The following HSPG2 variants were observed in gnomAD, a reference collection of about 807,000 sequenced individuals.
HSPG2 encodes basement membrane-specific heparan sulfate proteoglycan core protein.
In HSPG2, 278 loss-of-function variants were observed where a neutral mutation model predicts 526.6. The observed-to-expected ratio is 0.53, with a 90% confidence interval of 0.48 to 0.58. HSPG2 has a LOEUF of 0.58. Among genes scored for constraint, HSPG2 ranks in the 20% least tolerant of loss-of-function variants. The pLI, the probability that HSPG2 is intolerant of heterozygous loss-of-function variation, is 0.00. For missense variants in HSPG2, 5,354 were observed against 6,099.5 expected, an observed-to-expected ratio of 0.88 and a Z score of 4.07; for synonymous variants, 2,465 against 2,555.4, an observed-to-expected ratio of 0.96 and a Z score of 1.07.
intron 64 of HSPG2, among the ~76,000 whole-genome samples, chr1:21,844,813 T>C (rs996789661): frequency 6.6e-6 from 1 of 152,248 alleles, no homozygotes; most frequent in African/African-American, 2.4e-5. Context: ...GTAAATATGA[T>C]AGGGTCCAAC....
At position 21,848,938 on chromosome 1, in the gene HSPG2, C is replaced by G; in HGVS notation, c.7540G>C (p.Ala2514Pro). The change falls in exon 58 of 97, where the codon GCC becomes CCC. Residue 2514 changes from alanine (A) to proline (P), a missense_variant. By Grantham distance (27) the Ala-to-Pro change is conservative. Transcript: ENST00000374695. This position sits in a 1 kb window ranked among gnomAD's most constrained non-coding sequence, Gnocchi z 4.9. Reference protein sequence around the residue: ...RVVGSSGTQEASVLVTIQQRL... With the variant: ...RVVGSSGTQEPSVLVTIQQRL... ...TGCTGGATGGTGACAAGGACTGAGG[C>G]TTCCTGGGTACCTGAGCTGCCGACC... The G allele has an allele frequency of 6.2e-7, 1 of 1,613,998 alleles. No individual in the cohort carries two copies.
rs372664981 is a variant in HSPG2, at chr1:21,876,665, A to G, written c.2686-13T>C. The G allele has an allele frequency of 1.2e-6, 2 of 1,614,172 alleles. No individual in the cohort carries two copies. Among genetic ancestry groups the G allele is most frequent in the African/African-American group, 1.3e-5 (1 of 75,060 alleles). On this transcript the variant is annotated splice_polypyrimidine_tract_variant and intron_variant, in intron 21 of 96. Transcript: ENST00000374695. ...CCACCACATTGTTCTGCAGGCACAG[A>G]GTTGGAGCTGAAGGACAGCCCATGG...
chr1:21,928,498 T>C (rs1221231704), intron 1 of HSPG2, among the ~76,000 whole-genome samples: 1 of 152,254 alleles, frequency 6.6e-6, no homozygotes, highest in Non-Finnish European at 1.5e-5. Flanking sequence ...TTGAGTGCAA[T>C]GGCATGATCT....
At chr1:21,926,420 T>C (rs561267341) in intron 1 of HSPG2, among the ~76,000 whole-genome samples, 1 of 151,994 alleles carries the variant, frequency 6.6e-6, no homozygotes, top group South Asian at 2.1e-4. Flanking sequence ...CTAAGGGTCA[T>C]AGCAAGGCAA....
Position 21,828,400 on chromosome 1 carries a change from G to T in HSPG2, c.12264C>A (p.Asp4088Glu). 6.2e-7 allele frequency: 1 copy of T among 1,613,686 alleles called. No homozygotes were observed. Among genetic ancestry groups the T allele is most frequent in the Non-Finnish European group, 8.5e-7 (1 of 1,180,024 alleles). ...GGCTGCCTAGGAAACTGTAGGTGAG[G>T]TCCAGCCGTTTGCCATTCACTGACA... Reference protein sequence around the residue: ...GEVSVNGKRLDLTYSFLGSQG... With the variant: ...GEVSVNGKRLELTYSFLGSQG... Residue 4088 changes from aspartate to glutamate, a missense_variant, in exon 89 of 97, where the codon GAC (aspartate) becomes GAA (glutamate). By Grantham distance (45) the Asp-to-Glu change is conservative. Coordinates refer to ENST00000374695, the MANE Select transcript of HSPG2 (RefSeq NM_005529.7). This position sits in a 1 kb window ranked among gnomAD's most constrained non-coding sequence, Gnocchi z 6.0.
chr1:21,880,606 A>G (rs1320736476), intron 15 of HSPG2, 47 bp from the exon 16 acceptor site: 1 of 1,603,938 alleles, frequency 6.2e-7, no homozygotes, highest in East Asian at 2.2e-5. Context: ...GTGCCTACCC[A>G]GCCTAAATCC....
At chr1:21,874,770 C>G in intron 26 of HSPG2, 41 bp from the exon 27 acceptor site, 2 of 1,549,166 alleles carry the variant, frequency 1.3e-6, no homozygotes, top group South Asian at 2.3e-5. Context: ...CTTCCGAACA[C>G]GGCCCATTCA....
In HSPG2 at chr1:21,924,398, C is replaced by T. The variant is rs573513719; in HGVS notation, c.63+12757G>A. Among the ~76,000 whole-genome samples the T allele has an allele frequency of 1.4e-3, 210 of 152,192 alleles. 1 individual carries two copies. The highest frequency in any genetic ancestry group is 1.6e-3 in the Non-Finnish European group (108 of 68,006). ...CAGTGTCAGGGGAAGGAATCAATAGCGTCAATGAAGGAAGACATGGGATTG... is the reference window on the plus strand; with the variant it reads ...CAGTGTCAGGGGAAGGAATCAATAGTGTCAATGAAGGAAGACATGGGATTG... On this transcript the variant is annotated intron_variant, in intron 1 of 96. Coordinates refer to ENST00000374695, the MANE Select transcript of HSPG2 (RefSeq NM_005529.7).
chr1:21,831,208 G>C lies in HSPG2; in HGVS notation c.11562+7C>G. 1 of 1,612,130 alleles carries C rather than the reference G, an allele frequency of 6.2e-7. No homozygotes were observed. The highest frequency in any genetic ancestry group is 1.1e-5 in the South Asian group (1 of 91,058). On this transcript the variant is annotated splice_region_variant and intron_variant, in intron 84 of 96. Coordinates refer to ENST00000374695, the MANE Select transcript of HSPG2 (RefSeq NM_005529.7). ...GCAGCCAGGTGGTGTGTGGGGTGTG[G>C]GGTCACCTGGCAGGGCCGGTCCCGA...
At chr1:21,905,984 C>G (rs2501254) in intron 1 of HSPG2, among the ~76,000 whole-genome samples, 1 of 152,042 alleles carries the variant, frequency 6.6e-6, no homozygotes, top group Non-Finnish European at 1.5e-5. Context: ...TACTCCAGTC[C>G]GGATAAAAGA....
intron 1 of HSPG2, among the ~76,000 whole-genome samples, chr1:21,905,447 T>G (rs1643332071): frequency 6.6e-6 from 1 of 152,134 alleles, no homozygotes; most frequent in Admixed American, 6.5e-5. Context: ...TGCTCCAATG[T>G]CACCTTTCAG....
rs748724623 is a variant in HSPG2 at position 21,852,903 on chromosome 1, C to CG, written c.6591+15dup. The CG allele has an allele frequency of 1.9e-6, 3 of 1,611,980 alleles. No homozygotes were observed. Among genetic ancestry groups the CG allele is most frequent in the Non-Finnish European group, 2.5e-6 (3 of 1,179,664 alleles). The stretch of plus-strand genomic sequence containing the variant: ...TCCAGCCCCTCCAGCAAGGTGGTCC[C>CG]GGGGGGCTGCCATACCTGGTGCCGG... On this transcript the variant is annotated intron_variant, in intron 51 of 96. Coordinates refer to ENST00000374695, the MANE Select transcript of HSPG2 (RefSeq NM_005529.7).
At chr1:21,857,513 C>T (rs748115866) in intron 42 of HSPG2, 128 bp from the exon 43 acceptor site, 2 of 825,096 alleles carry the variant, frequency 2.4e-6, no homozygotes, top group African/African-American at 1.7e-5. Context: ...CATTCTACCC[C>T]CTGGCACCTC....
Position 21,904,090 on chromosome 1 carries a change from C to T in HSPG2, c.64-7780G>A, listed in dbSNP as rs1557814673. ...CGGGGGACAAAATGTGAAATGGACACAGAACTCCATGTTCCTGGGGGACAC... is the reference window on the plus strand; with the variant it reads ...CGGGGGACAAAATGTGAAATGGACATAGAACTCCATGTTCCTGGGGGACAC... On this transcript the variant is annotated intron_variant, in intron 1 of 96. Coordinates refer to ENST00000374695, the MANE Select transcript of HSPG2 (RefSeq NM_005529.7). This position sits in a 1 kb window ranked among gnomAD's most constrained non-coding sequence, Gnocchi z 4.4. 6.6e-6 allele frequency among the ~76,000 whole-genome samples: 1 copy of T among 152,170 alleles called. No individual in the cohort carries two copies. Among genetic ancestry groups the T allele is most frequent in the African/African-American group, 2.4e-5 (1 of 41,416 alleles).
chr1:21,832,978 G>A (rs1057287454), intron 80 of HSPG2: 12 of 562,348 alleles, frequency 2.1e-5, no homozygotes, highest in Non-Finnish European at 3.5e-5. Context: ...GGAGGAAGGA[G>A]CAGAGATGGG....
At chr1:21,932,919 A>G (rs1325518606) in intron 1 of HSPG2, among the ~76,000 whole-genome samples, 1 of 152,120 alleles carries the variant, frequency 6.6e-6, no homozygotes, top group African/African-American at 2.4e-5. Context: ...AAATTTTTAT[A>G]TTCATTAGAA....
Position 21,880,794 on chromosome 1 carries a change from G to T in HSPG2, c.1860C>A (p.Tyr620Ter), listed in dbSNP as rs764415919. 1 of 1,597,878 alleles carries T rather than the reference G, an allele frequency of 6.3e-7. No individual in the cohort carries two copies. The highest frequency in any genetic ancestry group is 1.7e-5 in the Admixed American group (1 of 57,884). The change falls in exon 15 of 97, where the codon TAC becomes TAA. Residue 620 changes from tyrosine (Y) to a stop codon, truncating the protein, a stop_gained. Transcript: ENST00000374695. LOFTEE classifies it high-confidence loss of function. ...GCTCCAGCATGCCACGGGCCAACTC[G>T]TAGCGCACGTTGTAACGCAGGGAGC... ...YGGSLRYNVR[Y>*]ELARGMLEPV... is the part of the protein sequence containing the mutation.
chr1:21,854,803 C>G, intron 48 of HSPG2, 38 bp from the exon 49 acceptor site: 2 of 1,612,756 alleles, frequency 1.2e-6, no homozygotes, highest in Non-Finnish European at 1.7e-6. Context: ...CCCAGGGGAG[C>G]CCTGGCTTGC....
chr1:21,857,531 C>A (rs578067923), intron 42 of HSPG2, 146 bp from the exon 43 acceptor site: 4 of 761,842 alleles, frequency 5.3e-6, no homozygotes, highest in African/African-American at 3.4e-5. Flanking sequence ...CTCCCTCCCC[C>A]ATTCTGGCTG....
Sources: gnomAD v4.1 joint callset for allele counts (sites outside exome capture counted in the v4.1 genomes callset) on GRCh38, gnomAD v4.1.1 for gene constraint, Gnocchi (gnomAD v3.1) non-coding constraint, MANE v1.5 for transcripts, NCBI Gene and HGNC (gene_info 2026-07-23, HGNC 2026-07-21) for gene names.